The following MXI1 variants were observed in gnomAD, a reference collection of about 807,000 sequenced individuals.
MXI1 encodes the protein max-interacting protein 1.
A neutral mutation model predicts 36.9 loss-of-function variants in MXI1; 18 were observed. The observed-to-expected ratio is 0.49, with a 90% CI of 0.34 to 0.72. MXI1 has a LOEUF of 0.72. Ranked by LOEUF, MXI1 falls within the 30% of genes least tolerant of loss-of-function variation. The pLI is 0.01. For synonymous variants in MXI1, 160 were observed against 146.7 expected, an observed-to-expected ratio of 1.09 and a Z score of -0.65; for missense variants, 304 against 379.1, an observed-to-expected ratio of 0.80 and a Z score of 1.64.
In MXI1 at chr10:110,260,952, A is replaced by G. The variant is rs1856491201; in HGVS notation, c.437+16095A>G. The stretch of plus-strand genomic sequence containing the variant: ...GTTTATATTTGCTCAGGCTCCAGAA[A>G]TCTGGTTTTGTGGTTGTAACTGTAT... On this transcript the variant is annotated intron_variant, in intron 3 of 5. Transcript: ENST00000332674. 5.1e-6 allele frequency: 5 copies of G among 973,164 alleles called. No homozygotes were observed. The Admixed American group carries it at 2.5e-4, about 48-fold the overall frequency. The allele number at this position is 973,164 out of a possible 1,614,324, so 60.3% of individuals were successfully genotyped here.
rs1213348475 is a variant in MXI1 at position 110,227,626 on chromosome 10, G to T, written c.275-563G>T. 4.4e-6 allele frequency: 4 copies of T among 907,434 alleles called. No homozygotes were observed. The East Asian group carries it at 4.8e-4, about 108-fold the overall frequency. The allele number at this position is 907,434 out of a possible 1,614,324, so 56.2% of individuals were successfully genotyped here. A position where few individuals can be genotyped will look rare whatever the true frequency, so the allele number is the denominator to read the frequency against. On this transcript the variant is annotated intron_variant, in intron 1 of 5. Coordinates refer to ENST00000332674, the MANE Select transcript of MXI1 (RefSeq NM_130439.3). ...CGAGGCCGGGAGAACACTGAGCGGGGGAAAACCGGTGGAGAGGGGCCTTTG... is the reference window on the plus strand; with the variant it reads ...CGAGGCCGGGAGAACACTGAGCGGGTGAAAACCGGTGGAGAGGGGCCTTTG...
chr10:110,283,781 T>G (rs140798551), intron 5 of MXI1, among the ~76,000 whole-genome samples: 2 of 149,826 alleles, frequency 1.3e-5, no homozygotes, highest in Non-Finnish European at 3.0e-5. Flanking sequence ...CAATTAAGAT[T>G]TTTTTTTTTA....
At chr10:110,272,953 T>C (rs1856900901) in intron 3 of MXI1, among the ~76,000 whole-genome samples, 1 of 151,932 alleles carries the variant, frequency 6.6e-6, no homozygotes, top group South Asian at 2.1e-4. Flanking sequence ...GTTAACAGTC[T>C]GTTTATTTTC....
intron 3 of MXI1, among the ~76,000 whole-genome samples, chr10:110,260,416 GGTGT>G (rs151334728): frequency 0.035 from 5,027 of 144,522 alleles, 138 homozygotes; most frequent in African/African-American, 0.073. Flanking sequence ...CCTTGATACA[GGTGT>G]GTGTGTGTGT....
intron 3 of MXI1, among the ~76,000 whole-genome samples, chr10:110,270,090 C>T (rs1351788266): frequency 6.6e-6 from 1 of 152,182 alleles, no homozygotes. Flanking sequence ...AGGAGTATCC[C>T]TTCCCTCTAC....
intron 1 of MXI1, among the ~76,000 whole-genome samples, chr10:110,216,477 G>A (rs914217433): frequency 1.3e-5 from 2 of 152,132 alleles, no homozygotes; most frequent in Non-Finnish European, 2.9e-5. Context: ...TTCATGGAGT[G>A]TACTGTTCCA....
At chr10:110,231,143 G>T (rs182137918) in intron 2 of MXI1, among the ~76,000 whole-genome samples, 3 of 152,264 alleles carry the variant, frequency 2.0e-5, no homozygotes, top group Admixed American at 2.0e-4. Flanking sequence ...GAGGTAGGTG[G>T]ATTGCCTGAG....
intron 3 of MXI1, among the ~76,000 whole-genome samples, chr10:110,254,174 A>G (rs1856200598): frequency 6.6e-6 from 1 of 152,094 alleles, no homozygotes; most frequent in Non-Finnish European, 1.5e-5. Flanking sequence ...CTAATCGCAT[A>G]TGTTCACTTC....
chr10:110,207,777 A>G lies in MXI1; in HGVS notation c.-32A>G. 1 of 1,130,622 alleles carries G rather than the reference A, an allele frequency of 8.8e-7. No homozygotes were observed. The highest frequency in any genetic ancestry group is 1.1e-6 in the Non-Finnish European group (1 of 920,314). 70.0% of individuals were successfully genotyped at this position (1,130,622 alleles called of 1,614,324 possible). On this transcript the variant is annotated 5_prime_UTR_variant, in exon 1 of 6. Transcript: ENST00000332674. ...CTCGGCCGGGCCGCGCAGCCCCGTT[A>G]GAGGACGAGCTCGGCGGACCCCCGC...
At chr10:110,226,465 TG>T (rs1564708060) in intron 1 of MXI1, 1 of 44,588 alleles carries the variant, frequency 2.2e-5, no homozygotes, top group Non-Finnish European at 2.7e-5. Flanking sequence ...GAGGGGCGTG[TG>T]GGGAGGGGAG....
intron 3 of MXI1, among the ~76,000 whole-genome samples, chr10:110,278,446 C>A (rs916508393): frequency 6.6e-6 from 1 of 152,138 alleles, no homozygotes; most frequent in Non-Finnish European, 1.5e-5. Flanking sequence ...AGCTAACGAG[C>A]TAGCACACTT....
intron 2 of MXI1, among the ~76,000 whole-genome samples, chr10:110,241,690 AT>A (rs1855677423): frequency 6.6e-6 from 1 of 151,928 alleles, no homozygotes; most frequent in African/African-American, 2.4e-5. Flanking sequence ...TTCCAGGCTA[AT>A]TCAAAGTGTT....
chr10:110,252,892 A>G (rs1856149316), intron 3 of MXI1, among the ~76,000 whole-genome samples: 1 of 152,166 alleles, frequency 6.6e-6, no homozygotes. Context: ...TAAGATGTAA[A>G]TAAATTATAT....
intron 3 of MXI1, among the ~76,000 whole-genome samples, chr10:110,264,469 G>A (rs1856620958): frequency 6.6e-6 from 1 of 150,758 alleles, no homozygotes. Context: ...GGGTTTAAAC[G>A]ATTCTCTTGC....
chr10:110,241,478 G>A (rs926343366), intron 2 of MXI1, among the ~76,000 whole-genome samples: 1 of 151,982 alleles, frequency 6.6e-6, no homozygotes, highest in South Asian at 2.1e-4. Context: ...GAATGTGCTA[G>A]TGTGTGATAC....
At chr10:110,252,942 A>G (rs572560021) in intron 3 of MXI1, among the ~76,000 whole-genome samples, 1 of 152,226 alleles carries the variant, frequency 6.6e-6, no homozygotes, top group South Asian at 2.1e-4. Context: ...AAGGATTTTT[A>G]CCATGCCGGA....
In MXI1 at chr10:110,219,891, G is replaced by A. The variant is rs115580183; in HGVS notation, c.275-8298G>A. 2.3e-3 allele frequency among the ~76,000 whole-genome samples: 351 copies of A among 152,342 alleles called. 3 individuals carry two copies. Among genetic ancestry groups the A allele is most frequent in the African/African-American group, 8.1e-3 (336 of 41,576 alleles). On this transcript the variant is annotated intron_variant, in intron 1 of 5. Coordinates refer to ENST00000332674, the MANE Select transcript of MXI1 (RefSeq NM_130439.3). ...CCTAGTGTTTCTCAACACAGGAGCT[G>A]TTGGTGTGACAGTTCTTGTACAGAT...
intron 1 of MXI1, among the ~76,000 whole-genome samples, chr10:110,223,640 A>G (rs541339665): frequency 1.3e-5 from 2 of 152,250 alleles, no homozygotes; most frequent in East Asian, 1.9e-4. Context: ...GTTCTAAATG[A>G]ATGGTATTTT....
chr10:110,236,124 CTTTTTTTTTTTTTTTTTTT>C (rs60576710), intron 2 of MXI1, among the ~76,000 whole-genome samples: 23 of 33,534 alleles, frequency 6.9e-4, no homozygotes, highest in African/African-American at 7.0e-4. Context: ...GGTTGAAGTT[CTTTTTTTTTTTTTTTTTTT>C]TTTTTTTTTT....
Sources: allele counts gnomAD v4.1 joint callset (sites outside exome capture counted in the v4.1 genomes callset), GRCh38; gene constraint gnomAD v4.1.1; transcripts MANE v1.5; gene names NCBI Gene and HGNC (gene_info 2026-07-23, HGNC 2026-07-21).